The following CYP7B1 variants were observed in gnomAD, a reference collection of about 807,000 sequenced individuals.
The protein encoded by CYP7B1 is cytochrome P450 7B1.
CYP7B1 carries 29 observed loss-of-function variants against 42.7 expected under a neutral mutation model. That is an observed-to-expected ratio of 0.68 (90% CI 0.51 to 0.93). The LOEUF (loss-of-function observed/expected upper bound fraction) is 0.93, where lower values mean the gene tolerates loss of function less well. Ranked by LOEUF, CYP7B1 falls within the 40% of genes least tolerant of loss-of-function variation. The pLI is 0.00. For missense variants in CYP7B1, 655 were observed against 600.5 expected (o/e 1.09, Z -0.95); for synonymous variants, 235 against 218.2 (o/e 1.08, Z -0.68).
At chr8:64,621,900 T>C (rs1307212587) in intron 2 of CYP7B1, among the ~76,000 whole-genome samples, 1 of 151,686 alleles carries the variant, frequency 6.6e-6, no homozygotes, top group Non-Finnish European at 1.5e-5. Context: ...CATGCCCAGC[T>C]AATTTTTGTA....
At chr8:64,723,120 T>C (rs1807271161) in intron 1 of CYP7B1, among the ~76,000 whole-genome samples, 1 of 152,210 alleles carries the variant, frequency 6.6e-6, no homozygotes, top group African/African-American at 2.4e-5. Context: ...AACTTGAACA[T>C]TTTGAAAACC....
intron 1 of CYP7B1, among the ~76,000 whole-genome samples, chr8:64,636,608 C>T (rs905825261): frequency 2.0e-5 from 3 of 152,050 alleles, no homozygotes; most frequent in African/African-American, 7.2e-5. Context: ...TCTTTATTTG[C>T]CTAATTTAGA....
chr8:64,635,506 C>T (rs567828097), intron 1 of CYP7B1, among the ~76,000 whole-genome samples: 11 of 152,302 alleles, frequency 7.2e-5, no homozygotes, highest in East Asian at 3.9e-4. Context: ...CACTCTAGAA[C>T]GGTCTGTAAG....
At chr8:64,773,353 TC>T (rs1488430473) in intron 1 of CYP7B1, among the ~76,000 whole-genome samples, 3 of 152,198 alleles carry the variant, frequency 2.0e-5, no homozygotes, top group African/African-American at 4.8e-5. Context: ...TGCAAACTAT[TC>T]CCAGGCTCAT....
intron 1 of CYP7B1, among the ~76,000 whole-genome samples, chr8:64,758,098 T>G (rs1320385252): frequency 6.6e-6 from 1 of 152,220 alleles, no homozygotes. Context: ...GGCTCTGCTT[T>G]CAGGGGAATG....
At chr8:64,616,381 C>T in intron 2 of CYP7B1, 100 bp from the exon 3 acceptor site, 4 of 798,448 alleles carry the variant, frequency 5.0e-6, no homozygotes, top group South Asian at 3.3e-5. Flanking sequence ...ATTAGAAAGA[C>T]CCTAATAACT....
intron 1 of CYP7B1, among the ~76,000 whole-genome samples, chr8:64,637,969 C>A (rs1382508203): frequency 1.3e-5 from 2 of 152,118 alleles, no homozygotes; most frequent in African/African-American, 2.4e-5. Context: ...CTGACTTTAT[C>A]CCTTTCATAG....
intron 2 of CYP7B1, among the ~76,000 whole-genome samples, chr8:64,620,993 TAAA>T (rs1805522136): frequency 1.3e-5 from 2 of 152,174 alleles, no homozygotes; most frequent in South Asian, 4.1e-4. Flanking sequence ...ACATTGGTAT[TAAA>T]AAAAGAAAAA....
At chr8:64,658,214 T>C (rs1235734199) in intron 1 of CYP7B1, among the ~76,000 whole-genome samples, 1 of 152,192 alleles carries the variant, frequency 6.6e-6, no homozygotes, top group Non-Finnish European at 1.5e-5. Flanking sequence ...TGGACCATAG[T>C]ATTATCTTAA....
chr8:64,665,641 A>G (rs1428952111), intron 1 of CYP7B1, among the ~76,000 whole-genome samples: 1 of 124,660 alleles, frequency 8.0e-6, no homozygotes, highest in Non-Finnish European at 1.6e-5. Flanking sequence ...CAATGGCGCA[A>G]TCTCAGCTCA....
chr8:64,650,373 C>T (rs754694386), intron 1 of CYP7B1, among the ~76,000 whole-genome samples: 3 of 152,092 alleles, frequency 2.0e-5, no homozygotes, highest in African/African-American at 4.8e-5. Context: ...CTTGGCTGGG[C>T]GTGGTGGCTC....
At chr8:64,695,771 C>A (rs1361560904) in intron 1 of CYP7B1, among the ~76,000 whole-genome samples, 1 of 151,742 alleles carries the variant, frequency 6.6e-6, no homozygotes, top group East Asian at 1.9e-4. Context: ...GCATTCCTGA[C>A]AATGCAGACT....
intron 2 of CYP7B1, among the ~76,000 whole-genome samples, chr8:64,617,114 G>C (rs185390310): frequency 6.6e-6 from 1 of 152,282 alleles, no homozygotes; most frequent in African/African-American, 2.4e-5. Context: ...CAGTCAGCCT[G>C]GAGTTATCAC....
At chr8:64,704,938 A>C (rs891352476) in intron 1 of CYP7B1, among the ~76,000 whole-genome samples, 3 of 152,026 alleles carry the variant, frequency 2.0e-5, no homozygotes, top group Non-Finnish European at 4.4e-5. Context: ...CTCTATTAGG[A>C]TCATAAGGAC....
intron 4 of CYP7B1, among the ~76,000 whole-genome samples, chr8:64,611,512 C>G (rs759850139): frequency 2.4e-4 from 36 of 152,064 alleles, no homozygotes; most frequent in Non-Finnish European, 4.9e-4. Context: ...CCTCCCACAC[C>G]AACTACTCAC....
chr8:64,713,305 AAATTCTC>A, intron 1 of CYP7B1, among the ~76,000 whole-genome samples: 1 of 152,274 alleles, frequency 6.6e-6, no homozygotes, highest in Admixed American at 6.5e-5. Flanking sequence ...CCAAACCATA[AAATTCTC>A]AATGTCCAGG....
chr8:64,754,799 G>A (rs1807782989), intron 1 of CYP7B1, among the ~76,000 whole-genome samples: 1 of 152,158 alleles, frequency 6.6e-6, no homozygotes, highest in Non-Finnish European at 1.5e-5. Context: ...TTAAGGAGGA[G>A]TAATATCTTT....
chr8:64,649,722 T>C (rs1806010449), intron 1 of CYP7B1, among the ~76,000 whole-genome samples: 1 of 152,210 alleles, frequency 6.6e-6, no homozygotes, highest in Admixed American at 6.6e-5. Context: ...CCAACACTAG[T>C]TATTTTCTGT....
In CYP7B1 at chr8:64,616,192, T is replaced by C. The variant is rs368626966; in HGVS notation, c.349A>G (p.Lys117Glu). 5.3e-5 allele frequency: 86 copies of C among 1,611,750 alleles called. No homozygotes were observed. Among genetic ancestry groups the C allele is most frequent in the Non-Finnish European group, 6.3e-5 (74 of 1,178,864 alleles). ...ATGCTAAATGCTTTCTCTAATAATT[T>C]ATTAGAAAATACTCGAAAGCTTAAT... The part of the protein sequence containing the change: ...KQLSFRVFSN[K>E]LLEKAFSISQ... Residue 117 changes from lysine (K) to glutamate (E), a missense_variant, in exon 3 of 6, where the codon AAA becomes GAA. Physicochemically the swap from Lys to Glu is moderately conservative, Grantham distance 56. Transcript: ENST00000310193.
Sources: allele counts gnomAD v4.1 joint callset (sites outside exome capture counted in the v4.1 genomes callset), GRCh38; gene constraint gnomAD v4.1.1; transcripts MANE v1.5; gene names NCBI Gene and HGNC (gene_info 2026-07-23, HGNC 2026-07-21).